Variants in PDGFC observed in about 807,000 individuals in gnomAD.
PDGFC encodes the protein platelet-derived growth factor C.
A neutral mutation model predicts 35.5 loss-of-function variants in PDGFC; 12 were observed. The ratio of observed to expected loss-of-function variants is 0.34; its 90% CI spans 0.22 to 0.55. The LOEUF (loss-of-function observed/expected upper bound fraction) is 0.55. Among genes scored for constraint, PDGFC ranks in the 20% least tolerant of loss-of-function variants. The pLI, the probability that PDGFC is intolerant of heterozygous loss-of-function variation, is 0.91. For missense variants in PDGFC, 322 were observed against 412.4 expected, an observed-to-expected ratio of 0.78 and a Z score of 1.90; for synonymous variants, 159 against 148.8, an observed-to-expected ratio of 1.07 and a Z score of -0.50.
At chr4:156,970,683 AAG>A (rs1267906855) in intron 1 of PDGFC, 101 bp downstream of exon 1, 1 of 745,146 alleles carries the variant, frequency 1.3e-6, no homozygotes, top group African/African-American at 1.7e-5. Flanking sequence ...TGAGAGACCA[AAG>A]ATACCTTCAC....
chr4:156,897,345 A>AGTGTGTGTGTGT (rs1444359699), intron 1 of PDGFC, among the ~76,000 whole-genome samples: 25 of 86,446 alleles, frequency 2.9e-4, no homozygotes, highest in Non-Finnish European at 4.0e-4. Flanking sequence ...AGTGTGTGAG[A>AGTGTGTGTGTGT]GTGTATGTGT....
chr4:156,769,107 A>C (rs917084479), intron 4 of PDGFC, among the ~76,000 whole-genome samples: 6 of 151,864 alleles, frequency 4.0e-5, no homozygotes, highest in South Asian at 2.1e-4. Context: ...TCTCCTAATA[A>C]AGTTTTTTAA....
At chr4:156,840,468 G>GT (rs1479603486) in intron 2 of PDGFC, among the ~76,000 whole-genome samples, 1 of 152,206 alleles carries the variant, frequency 6.6e-6, no homozygotes, top group African/African-American at 2.4e-5. Flanking sequence ...GGAAACACTG[G>GT]TATCTCCAGG....
chr4:156,954,537 G>A (rs187089221), intron 1 of PDGFC, among the ~76,000 whole-genome samples: 12 of 152,072 alleles, frequency 7.9e-5, no homozygotes, highest in Admixed American at 4.6e-4. Context: ...ATGAACTTGC[G>A]ATGGTCATGC....
chr4:156,787,741 A>G (rs1389306992), intron 3 of PDGFC, among the ~76,000 whole-genome samples: 1 of 152,136 alleles, frequency 6.6e-6, no homozygotes, highest in African/African-American at 2.4e-5. Flanking sequence ...AAGGAAGACA[A>G]ACAATGTTCG....
intron 1 of PDGFC, among the ~76,000 whole-genome samples, chr4:156,893,286 T>C (rs1012708933): frequency 5.3e-5 from 8 of 152,060 alleles, no homozygotes; most frequent in African/African-American, 1.2e-4. Flanking sequence ...TCAGGTGATC[T>C]ATGGTAAGAC....
intron 1 of PDGFC, among the ~76,000 whole-genome samples, chr4:156,953,849 A>G (rs1732142851): frequency 6.6e-6 from 1 of 151,974 alleles, no homozygotes; most frequent in African/African-American, 2.4e-5. Context: ...AACTAAGAAT[A>G]CCAGGACACA....
chr4:156,869,237 T>A lies in PDGFC; in HGVS notation c.119-18821A>T, dbSNP rs569908950. Among the ~76,000 whole-genome samples, 15 of 152,088 alleles carry A rather than the reference T, an allele frequency of 9.9e-5. 1 individual carries two copies. In the South Asian group the frequency reaches 1.0e-3, roughly 11 times the overall value. On this transcript the variant is annotated intron_variant, in intron 1 of 5. Coordinates refer to ENST00000502773, the MANE Select transcript of PDGFC (RefSeq NM_016205.3). ...TCACAAGGTCAGGAGATCGAGACCA[T>A]CCTGGCTAACAGGGTGGTCTAACCT...
rs372084609 is a variant in PDGFC, at chr4:156,853,258, T to C, written c.119-2842A>G. Among the ~76,000 whole-genome samples, 29 of 152,324 alleles carry C rather than the reference T, an allele frequency of 1.9e-4. 1 individual carries two copies. In the East Asian group the frequency reaches 1.9e-3, roughly 10 times the overall value. On this transcript the variant is annotated intron_variant, in intron 1 of 5. Transcript: ENST00000502773. ...TGTTAATCAAAATATGTTAACATTA[T>C]TTCACATTAATAAAATACAATTTAA...
intron 1 of PDGFC, among the ~76,000 whole-genome samples, chr4:156,950,019 A>G (rs1244536929): frequency 6.6e-6 from 1 of 151,896 alleles, no homozygotes; most frequent in South Asian, 2.1e-4. Context: ...CATTTTTCCT[A>G]GGCTATATAT....
chr4:156,971,434 A>T lies in PDGFC; in HGVS notation c.-531T>A. 4.3e-6 allele frequency: 1 copy of T among 233,056 alleles called. No individual in the cohort carries two copies. The highest frequency in any genetic ancestry group is 8.2e-6 in the Non-Finnish European group (1 of 122,374). 14.4% of individuals were successfully genotyped at this position (233,056 alleles called of 1,614,324 possible). On this transcript the variant is annotated 5_prime_UTR_variant, in exon 1 of 6. Coordinates refer to ENST00000502773, the MANE Select transcript of PDGFC (RefSeq NM_016205.3). Reference sequence around the variant, plus strand: ...CCCCACCCCCCACCCCCGAAGGGGGAGGGGGAAGAAACAAGGCGAGGGCGC... The same window carrying T: ...CCCCACCCCCCACCCCCGAAGGGGGTGGGGGAAGAAACAAGGCGAGGGCGC...
chr4:156,937,824 G>A (rs1731719677), intron 1 of PDGFC, among the ~76,000 whole-genome samples: 2 of 152,052 alleles, frequency 1.3e-5, no homozygotes, highest in South Asian at 4.1e-4. Flanking sequence ...AATATTGGTT[G>A]AAAGGCAAAT....
At chr4:156,901,329 C>T (rs991980810) in intron 1 of PDGFC, among the ~76,000 whole-genome samples, 4 of 152,176 alleles carry the variant, frequency 2.6e-5, no homozygotes, top group South Asian at 2.1e-4. Context: ...CACATGTAAA[C>T]GTCAGATTGG....
At chr4:156,865,236 A>G (rs1049265017) in intron 1 of PDGFC, among the ~76,000 whole-genome samples, 9 of 151,950 alleles carry the variant, frequency 5.9e-5, no homozygotes, top group African/African-American at 2.2e-4. Context: ...ACATACACAA[A>G]GTGGTCCAGC....
At chr4:156,902,656 G>A (rs1730817456) in intron 1 of PDGFC, among the ~76,000 whole-genome samples, 1 of 151,934 alleles carries the variant, frequency 6.6e-6, no homozygotes, top group Non-Finnish European at 1.5e-5. Context: ...ATAGTATTTT[G>A]TACAAATTTA....
chr4:156,877,076 T>C (rs1237245674), intron 1 of PDGFC, among the ~76,000 whole-genome samples: 1 of 152,022 alleles, frequency 6.6e-6, no homozygotes, highest in African/African-American at 2.4e-5. Flanking sequence ...TCTACACACC[T>C]TTCTGTTTTC....
At chr4:156,875,769 T>A (rs1730101374) in intron 1 of PDGFC, among the ~76,000 whole-genome samples, 1 of 152,010 alleles carries the variant, frequency 6.6e-6, no homozygotes, top group African/African-American at 2.4e-5. Flanking sequence ...AATACAAAAA[T>A]TAGTCAGGTG....
chr4:156,926,542 G>T (rs1371584420), intron 1 of PDGFC, among the ~76,000 whole-genome samples: 1 of 152,148 alleles, frequency 6.6e-6, no homozygotes, highest in Non-Finnish European at 1.5e-5. Flanking sequence ...CCAAATGGGG[G>T]TAATTGGCCA....
At chr4:156,920,875 A>C (rs1170185999) in intron 1 of PDGFC, among the ~76,000 whole-genome samples, 2 of 152,194 alleles carry the variant, frequency 1.3e-5, no homozygotes, top group African/African-American at 4.8e-5. Flanking sequence ...TGAATATGCC[A>C]AGGTAGGCTG....
Sources: allele counts gnomAD v4.1 joint callset (sites outside exome capture counted in the v4.1 genomes callset), GRCh38; gene constraint gnomAD v4.1.1; transcripts MANE v1.5; gene names NCBI Gene and HGNC (gene_info 2026-07-23, HGNC 2026-07-21).